The following WRN variants were observed in gnomAD, a reference collection of about 807,000 sequenced individuals.
The protein encoded by WRN is WRN RecQ like helicase, also known as bifunctional 3'-5' exonuclease/ATP-dependent helicase WRN.
A neutral mutation model predicts 180.7 loss-of-function variants in WRN; 149 were observed. That is an observed-to-expected ratio of 0.82 (90% CI 0.72 to 0.94). The LOEUF is 0.94. WRN is among the 40% of genes least tolerant of loss of function. The probability of loss-of-function intolerance (pLI) is 0.00; values close to 1 mark genes in which losing one functional copy is unlikely to be tolerated. For missense variants in WRN, 1,661 were observed against 1,700.1 expected (o/e 0.98, Z 0.40); for synonymous variants, 548 against 568.9 (o/e 0.96, Z 0.52).
At chr8:31,037,972 T>C (rs1476400312) in intron 1 of WRN, among the ~76,000 whole-genome samples, 2 of 152,196 alleles carry the variant, frequency 1.3e-5, no homozygotes, top group Non-Finnish European at 2.9e-5. Flanking sequence ...ATATTATATA[T>C]ATGCCATATT....
At chr8:31,036,798 G>A (rs1811467962) in intron 1 of WRN, among the ~76,000 whole-genome samples, 1 of 152,050 alleles carries the variant, frequency 6.6e-6, no homozygotes, top group Non-Finnish European at 1.5e-5. Flanking sequence ...TATTTTATCC[G>A]ATTCTGTAGA....
chr8:31,130,016 A>C (rs1436270889), intron 23 of WRN, among the ~76,000 whole-genome samples: 1 of 62,360 alleles, frequency 1.6e-5, no homozygotes, highest in African/African-American at 4.7e-5. Context: ...AAAAAAAAAC[A>C]AAACAAAACA....
chr8:31,052,005 C>G (rs139374673), intron 1 of WRN, among the ~76,000 whole-genome samples: 1 of 152,120 alleles, frequency 6.6e-6, no homozygotes, highest in Non-Finnish European at 1.5e-5. Flanking sequence ...TTCATTGTAA[C>G]GTTGTTATGC....
At chr8:31,071,439 A>G (rs1762417026) in intron 7 of WRN, among the ~76,000 whole-genome samples, 1 of 152,148 alleles carries the variant, frequency 6.6e-6, no homozygotes, top group African/African-American at 2.4e-5. Flanking sequence ...TGGCAACTTG[A>G]GTCGGTTAAT....
chr8:31,086,950 T>C (rs117015065), intron 11 of WRN, among the ~76,000 whole-genome samples: 1 of 152,178 alleles, frequency 6.6e-6, no homozygotes, highest in Non-Finnish European at 1.5e-5. Flanking sequence ...ATTAGAGAAC[T>C]CTATTTTAAA....
intron 8 of WRN, among the ~76,000 whole-genome samples, chr8:31,077,038 A>T (rs967269970): frequency 1.3e-5 from 2 of 152,206 alleles, no homozygotes; most frequent in African/African-American, 4.8e-5. Flanking sequence ...TACTTTGTAG[A>T]AATGTGATTC....
At position 31,173,091 on chromosome 8, in the gene WRN, C is replaced by G. The variant is rs935299300; in HGVS notation, c.4288C>G (p.Leu1430Val). ...KLMDKTKRGGLFS is the reference protein window; with the variant it reads ...KLMDKTKRGGVFS ...AATGGACAAAACGAAAAGGGGAGGT[C>G]TTTTTAGTTAAGCTGGCAATTACCA... Residue 1430 changes from leucine (L) to valine (V), a missense_variant, in exon 35 of 35, where the codon CTT (leucine) becomes GTT (valine). By Grantham distance (32) the Leu-to-Val change is conservative. Coordinates refer to ENST00000298139, the MANE Select transcript of WRN (RefSeq NM_000553.6). 6.2e-6 allele frequency: 10 copies of G among 1,613,598 alleles called. No homozygotes were observed. The Admixed American group carries it at 1.0e-4, about 16-fold the overall frequency.
rs1375382575 is a variant in WRN at position 31,091,893 on chromosome 8, T to C, written c.1893T>C (p.Ile631=). 1 of 1,612,958 alleles carries C rather than the reference T, an allele frequency of 6.2e-7. No homozygotes were observed. The highest frequency in any genetic ancestry group is 8.5e-7 in the Non-Finnish European group (1 of 1,179,222). The change falls in exon 16 of 35, where the codon ATT becomes ATC. Residue 631 remains isoleucine, a synonymous_variant. Coordinates refer to ENST00000298139, the MANE Select transcript of WRN (RefSeq NM_000553.6). ...AGTCAGAAAATGTTCTAACAGATAT[T>C]AAATTGTGAGTAATTTTTTTCCCTC... ...SAQSENVLTD[I]KLGKYRIVYV... is the part of the protein sequence containing the mutation.
chr8:31,116,344 TTTTC>T lies in WRN; in HGVS notation c.2274-6_2274-3del, dbSNP rs1386233309. 6.2e-7 allele frequency: 1 copy of T among 1,613,544 alleles called. No individual in the cohort carries two copies. Among genetic ancestry groups the T allele is most frequent in the Non-Finnish European group, 8.5e-7 (1 of 1,179,822 alleles). The stretch of plus-strand genomic sequence containing the variant: ...TATATGTTTGCTCTTTTGTTCTTCT[TTTTC>T]TTTAGTTCCCACTGGGAATTTGAAG... On this transcript the variant is annotated splice_region_variant and splice_polypyrimidine_tract_variant and intron_variant, in intron 19 of 34. Transcript: ENST00000298139.
intron 11 of WRN, among the ~76,000 whole-genome samples, chr8:31,086,330 T>C (rs1179329323): frequency 6.6e-6 from 1 of 152,176 alleles, no homozygotes; most frequent in African/African-American, 2.4e-5. Context: ...CTCAGCACTT[T>C]GGGAGGCCGA....
intron 5 of WRN, among the ~76,000 whole-genome samples, chr8:31,066,295 C>T (rs1181383070): frequency 2.6e-5 from 4 of 152,112 alleles, no homozygotes; most frequent in Non-Finnish European, 5.9e-5. Context: ...AAGCGATTCT[C>T]CTGCCTCAGC....
intron 7 of WRN, among the ~76,000 whole-genome samples, chr8:31,073,077 C>T (rs886120082): frequency 1.3e-5 from 2 of 151,972 alleles, no homozygotes; most frequent in Non-Finnish European, 2.9e-5. Flanking sequence ...AAAATAAATA[C>T]GATGATGGGT....
intron 17 of WRN, among the ~76,000 whole-genome samples, chr8:31,097,207 A>C (rs1294842836): frequency 6.6e-6 from 1 of 152,210 alleles, no homozygotes; most frequent in African/African-American, 2.4e-5. Flanking sequence ...GTTGAATCCT[A>C]GGTTCTGTGA....
At chr8:31,088,168 A>G (rs1813611289) in intron 12 of WRN, among the ~76,000 whole-genome samples, 1 of 152,206 alleles carries the variant, frequency 6.6e-6, no homozygotes, top group South Asian at 2.1e-4. Context: ...GTATTTCTCC[A>G]AATCATTATA....
In WRN at chr8:31,141,425, T is replaced by A; in HGVS notation, c.2968-5T>A. On this transcript the variant is annotated splice_polypyrimidine_tract_variant and splice_region_variant and intron_variant, in intron 24 of 34. Coordinates refer to ENST00000298139, the MANE Select transcript of WRN (RefSeq NM_000553.6). ...TTTAGATACTGATTTTATTCCTAAT[T>A]TCAGAATTCTCAGCGTCTTGCCGAT... 2 of 1,614,064 alleles carry A rather than the reference T, an allele frequency of 1.2e-6. No homozygotes were observed. Among genetic ancestry groups the A allele is most frequent in the South Asian group, 2.2e-5 (2 of 91,080 alleles).
At chr8:31,065,631 A>G (rs1224033048) in intron 5 of WRN, among the ~76,000 whole-genome samples, 6 of 151,962 alleles carry the variant, frequency 3.9e-5, no homozygotes, top group Non-Finnish European at 8.8e-5. Flanking sequence ...TTTTTAATGC[A>G]GTCTATCATT....
rs1430792971 is a variant in WRN, at chr8:31,143,049, A to ATTCTTTCT, written c.3309+348_3309+349insTTCTTTCT. 4.7e-3 allele frequency among the ~76,000 whole-genome samples: 384 copies of ATTCTTTCT among 81,314 alleles called. 2 individuals carry two copies. The highest frequency in any genetic ancestry group is 0.027 in the Admixed American group (177 of 6,494). The allele number at this position is 81,314 out of a possible 152,430, so 53.3% of individuals were successfully genotyped here. On this transcript the variant is annotated intron_variant, in intron 27 of 34. Coordinates refer to ENST00000298139, the MANE Select transcript of WRN (RefSeq NM_000553.6). ...GACACACACACACACACACACACAC[A>ATTCTTTCT]CACACATTCTCTCTCTCTCTCTCTC...
Position 31,174,058 on chromosome 8 carries a change from CAT to C in WRN, c.*958_*959del, listed in dbSNP as rs1804194118. Among the ~76,000 whole-genome samples the C allele has an allele frequency of 6.6e-6, 1 of 152,204 alleles. No homozygotes were observed. Among genetic ancestry groups the C allele is most frequent in the Non-Finnish European group, 1.5e-5 (1 of 68,028 alleles). On this transcript the variant is annotated 3_prime_UTR_variant, in exon 35 of 35. Coordinates refer to ENST00000298139, the MANE Select transcript of WRN (RefSeq NM_000553.6). ...GAGAAAAATGAAAATAAAAATCATT[CAT>C]AGTTTTACTAGTAGCTAATCACAGT...
intron 5 of WRN, among the ~76,000 whole-genome samples, chr8:31,066,399 G>T (rs976820479): frequency 1.3e-5 from 2 of 151,432 alleles, no homozygotes; most frequent in Non-Finnish European, 2.9e-5. Flanking sequence ...TGTTAGCCAG[G>T]ATGGTCTTGA....
Sources: gnomAD v4.1 joint callset for allele counts (sites outside exome capture counted in the v4.1 genomes callset) on GRCh38, gnomAD v4.1.1 for gene constraint, MANE v1.5 for transcripts, NCBI Gene and HGNC (gene_info 2026-07-23, HGNC 2026-07-21) for gene names.